The following CSMD1 variants were observed in gnomAD, a reference collection of about 807,000 sequenced individuals.
The protein encoded by CSMD1 is CUB and Sushi multiple domains 1.
A neutral mutation model predicts 417.5 loss-of-function variants in CSMD1; 213 were observed. The ratio of observed to expected loss-of-function variants is 0.51; its 90% CI spans 0.46 to 0.57. The LOEUF (loss-of-function observed/expected upper bound fraction) is 0.57, where lower values mean the gene tolerates loss of function less well. Ranked by LOEUF, CSMD1 falls within the 20% of genes least tolerant of loss-of-function variation. The pLI is 0.00. For missense variants in CSMD1, 6,923 were observed against 4,529.7 expected (o/e 1.53, Z -15.17); for synonymous variants, 2,862 against 1,736.8 (o/e 1.65, Z -16.11).
intron 5 of CSMD1, among the ~76,000 whole-genome samples, chr8:3,995,012 AC>A (rs1174735448): frequency 1.3e-5 from 2 of 152,086 alleles, no homozygotes; most frequent in African/African-American, 4.8e-5. Flanking sequence ...AGGTCGCAGC[AC>A]CCACAATGCT....
At chr8:4,459,570 T>C (rs763958090) in intron 2 of CSMD1, among the ~76,000 whole-genome samples, 19 of 152,194 alleles carry the variant, frequency 1.2e-4, no homozygotes, top group Non-Finnish European at 2.5e-4. Flanking sequence ...TGCAGGCTAA[T>C]CCATGGAATG....
intron 1 of CSMD1, among the ~76,000 whole-genome samples, chr8:4,657,243 G>C (rs1021109346): frequency 1.3e-5 from 2 of 152,192 alleles, no homozygotes; most frequent in African/African-American, 2.4e-5. Context: ...AGTAGTTTCA[G>C]TGCAAACAAG....
chr8:4,351,270 T>A (rs991630608), intron 3 of CSMD1, among the ~76,000 whole-genome samples: 3 of 152,202 alleles, frequency 2.0e-5, no homozygotes, highest in African/African-American at 7.2e-5. Context: ...AAGTAAACAT[T>A]AGAACGTATC....
At chr8:4,013,352 GT>G (rs1299278790) in intron 4 of CSMD1, among the ~76,000 whole-genome samples, 7 of 152,124 alleles carry the variant, frequency 4.6e-5, no homozygotes, top group African/African-American at 1.7e-4. Context: ...CAAACACCTG[GT>G]TGATCCCTCT....
intron 4 of CSMD1, among the ~76,000 whole-genome samples, chr8:4,023,748 G>A (rs997599283): frequency 1.5e-5 from 2 of 136,156 alleles, no homozygotes; most frequent in East Asian, 2.1e-4. Context: ...CGCTACGCTC[G>A]GCTAATTTTT....
chr8:4,752,051 ATAT>A (rs1007105720), intron 1 of CSMD1, among the ~76,000 whole-genome samples: 92 of 151,984 alleles, frequency 6.1e-4, no homozygotes, highest in African/African-American at 2.2e-3. Flanking sequence ...AACTGTGTAT[ATAT>A]TAATACAAAA....
rs571852076 is a variant in CSMD1 at position 3,814,471 on chromosome 8, C to T, written c.819-60429G>A. Among the ~76,000 whole-genome samples the T allele has an allele frequency of 2.6e-5, 4 of 152,288 alleles. No homozygotes were observed. The South Asian group carries it at 8.3e-4, about 32-fold the overall frequency. The stretch of plus-strand genomic sequence containing the variant: ...GTCATGAAATAATGATTTGCACACT[C>T]CATAGCTTTCAACTGTGGCCGAATT... On this transcript the variant is annotated intron_variant, in intron 5 of 69. Transcript: ENST00000635120.
At chr8:3,032,205 G>T (rs532411051) in intron 50 of CSMD1, among the ~76,000 whole-genome samples, 1 of 151,840 alleles carries the variant, frequency 6.6e-6, no homozygotes, top group South Asian at 2.1e-4. Flanking sequence ...CCAGAAATTT[G>T]TGCAAATTAT....
intron 3 of CSMD1, among the ~76,000 whole-genome samples, chr8:4,306,081 A>G (rs1159332060): frequency 6.6e-6 from 1 of 152,216 alleles, no homozygotes; most frequent in African/African-American, 2.4e-5. Context: ...GATTGTGAGA[A>G]ATGTTATAAT....
At chr8:3,908,231 T>G (rs887386078) in intron 5 of CSMD1, among the ~76,000 whole-genome samples, 1 of 141,092 alleles carries the variant, frequency 7.1e-6, no homozygotes, top group South Asian at 2.7e-4. Context: ...TTAATTTGCA[T>G]AACAATTTTA....
At chr8:4,652,984 C>A (rs1013645364) in intron 1 of CSMD1, among the ~76,000 whole-genome samples, 3 of 151,924 alleles carry the variant, frequency 2.0e-5, no homozygotes, top group Non-Finnish European at 4.4e-5. Flanking sequence ...CCTTGCTCAC[C>A]CACTGCTCAT....
intron 3 of CSMD1, among the ~76,000 whole-genome samples, chr8:4,113,172 C>A (rs1454676864): frequency 6.6e-6 from 1 of 152,024 alleles, no homozygotes; most frequent in Non-Finnish European, 1.5e-5. Context: ...GCCTTCCTAG[C>A]CCCAGAGACA....
intron 3 of CSMD1, among the ~76,000 whole-genome samples, chr8:4,088,929 C>G (rs1014011033): frequency 6.6e-6 from 1 of 152,198 alleles, no homozygotes; most frequent in Admixed American, 6.5e-5. Flanking sequence ...AAGCACTCCC[C>G]TGCCAAGGTC....
chr8:3,768,895 G>A (rs1710754554), intron 5 of CSMD1, among the ~76,000 whole-genome samples: 2 of 152,186 alleles, frequency 1.3e-5, no homozygotes, highest in South Asian at 4.1e-4. Flanking sequence ...CCACTTCTTT[G>A]AAGGAGGGTC....
intron 23 of CSMD1, among the ~76,000 whole-genome samples, chr8:3,340,766 C>T (rs1255787199): frequency 2.6e-5 from 4 of 152,112 alleles, no homozygotes; most frequent in Non-Finnish European, 5.9e-5. Flanking sequence ...ATCAGCACCA[C>T]CAATTTTCTA....
At chr8:3,362,965 C>G (rs1318315625) in intron 20 of CSMD1, among the ~76,000 whole-genome samples, 2 of 152,190 alleles carry the variant, frequency 1.3e-5, no homozygotes, top group African/African-American at 4.8e-5. Flanking sequence ...CTCTTCAAAT[C>G]CATCCAATGG....
chr8:3,294,857 G>C (rs528080847), intron 25 of CSMD1, among the ~76,000 whole-genome samples: 22 of 152,078 alleles, frequency 1.4e-4, no homozygotes, highest in African/African-American at 5.1e-4. Flanking sequence ...ACACTCCCCA[G>C]TGAGATGTAC....
At chr8:3,384,759 T>A (rs1479122781) in intron 18 of CSMD1, among the ~76,000 whole-genome samples, 4 of 119,762 alleles carry the variant, frequency 3.3e-5, no homozygotes, top group East Asian at 2.6e-4. Context: ...TTTATATAAA[T>A]TATATAAATA....
chr8:3,709,808 T>C (rs1014570845), intron 6 of CSMD1, among the ~76,000 whole-genome samples: 1 of 149,326 alleles, frequency 6.7e-6, no homozygotes, highest in African/African-American at 2.5e-5. Flanking sequence ...GTCAGCTTCA[T>C]AATCATGTGA....
Sources: gnomAD v4.1 joint callset for allele counts (sites outside exome capture counted in the v4.1 genomes callset) on GRCh38, gnomAD v4.1.1 for gene constraint, MANE v1.5 for transcripts, NCBI Gene and HGNC (gene_info 2026-07-23, HGNC 2026-07-21) for gene names.